The following PARP11 variants were observed in gnomAD, a reference collection of about 807,000 sequenced individuals.
The protein encoded by PARP11 is poly(ADP-ribose) polymerase family member 11.
PARP11 carries 31 observed loss-of-function variants against 42.9 expected under a neutral mutation model. That is an observed-to-expected ratio of 0.72 (90% CI 0.54 to 0.98). The LOEUF is 0.98. Ranked by LOEUF, PARP11 falls within the 50% of genes least tolerant of loss-of-function variation. PARP11 has a pLI of 0.00. For synonymous variants in PARP11, 137 were observed against 127.3 expected (o/e 1.08, Z -0.51); for missense variants, 365 against 413.1 (o/e 0.88, Z 1.01).
In PARP11 at chr12:3,812,392, C is replaced by T; in HGVS notation, c.748G>A (p.Asp250Asn). The change falls in exon 8 of 8, where the codon GAT becomes AAT. Residue 250 changes from aspartate (D) to asparagine (N), a missense_variant. Physicochemically the swap from Asp to Asn is conservative, Grantham distance 23. Transcript: ENST00000228820. ...DAAYSSRFCK[D>N]DIKHGNTFQI... ...AATGTGTTCCCATGCTTTATGTCAT[C>T]TTTGCAGAAACGACTGGAATAAGCA... 2 of 1,613,966 alleles carry T rather than the reference C, an allele frequency of 1.2e-6. No individual in the cohort carries two copies. Among genetic ancestry groups the T allele is most frequent in the Non-Finnish European group, 1.7e-6 (2 of 1,179,886 alleles).
rs1947874479 is a variant in PARP11 at position 3,840,937 on chromosome 12, T to C, written c.19-10919A>G. The C allele has an allele frequency of 3.1e-6, 5 of 1,606,740 alleles. No individual in the cohort carries two copies. The Admixed American group carries it at 5.0e-5, about 16-fold the overall frequency. On this transcript the variant is annotated intron_variant, in intron 1 of 7. Coordinates refer to ENST00000228820, the MANE Select transcript of PARP11 (RefSeq NM_020367.6). This position sits in a 1 kb window ranked among gnomAD's most constrained non-coding sequence, Gnocchi z 4.4. ...GGTACATCTAACTCCTGCAGTGCCT[T>C]CTTTACCAGCCACTGTGCCAGCCTG...
At chr12:3,870,655 T>C (rs977348578) in intron 1 of PARP11, among the ~76,000 whole-genome samples, 10 of 152,200 alleles carry the variant, frequency 6.6e-5, no homozygotes, top group African/African-American at 2.2e-4. Flanking sequence ...GTGCCTACTA[T>C]GTGTCAGGTT....
Position 3,821,987 on chromosome 12 carries a change from T to C in PARP11, c.434A>G (p.Asn145Ser), listed in dbSNP as rs145879477. 1.6e-5 allele frequency: 25 copies of C among 1,609,070 alleles called. No homozygotes were observed. The highest frequency in any genetic ancestry group is 1.6e-4 in the Middle Eastern group (1 of 6,070). ...AACTTCATTATATTCATGTGTTTGA[T>C]TGTGCAGAGGAATAAGCTGGAAAAA... ...QVPYQLIPLH[N>S]QTHEYNEVAN... is the part of the protein sequence containing the mutation. The change falls in exon 6 of 8, where the codon AAT (asparagine) becomes AGT (serine). Residue 145 changes from asparagine to serine, a missense_variant. By Grantham distance (46) the Asn-to-Ser change is conservative. Coordinates refer to ENST00000228820, the MANE Select transcript of PARP11 (RefSeq NM_020367.6).
In PARP11 at chr12:3,873,296, T is replaced by A. The variant is rs1192049717; in HGVS notation, c.-67A>T. ...CTAGCCGCGGGGCCTGGGTGTTGGA[T>A]TTTTTTTTTTCCCGCGGGTCCCCGG... On this transcript the variant is annotated 5_prime_UTR_variant, in exon 1 of 8. Coordinates refer to ENST00000228820, the MANE Select transcript of PARP11 (RefSeq NM_020367.6). 1.6e-5 allele frequency: 13 copies of A among 826,782 alleles called. No individual in the cohort carries two copies. The highest frequency in any genetic ancestry group is 2.2e-5 in the Non-Finnish European group (13 of 604,606). 51.2% of individuals were successfully genotyped at this position (826,782 alleles called of 1,614,324 possible). A position where few individuals can be genotyped will look rare whatever the true frequency, so the allele number is the denominator to read the frequency against.
rs1396622531 is a variant in PARP11 at position 3,873,193 on chromosome 12, G to A, written c.18+19C>T. The A allele has an allele frequency of 2.8e-6, 2 of 726,018 alleles. No homozygotes were observed. The highest frequency in any genetic ancestry group is 1.9e-5 in the African/African-American group (1 of 52,978). The allele number at this position is 726,018 out of a possible 1,614,324, so 45.0% of individuals were successfully genotyped here. A position where few individuals can be genotyped will look rare whatever the true frequency, so the allele number is the denominator to read the frequency against. ...CAACCCCGCCCCCTGGGCCCGCCCC[G>A]TCCCGCCCGGCTACTCACTGGATTC... On this transcript the variant is annotated intron_variant, in intron 1 of 7. Coordinates refer to ENST00000228820, the MANE Select transcript of PARP11 (RefSeq NM_020367.6).
chr12:3,817,205 T>A (rs939991536), intron 6 of PARP11, among the ~76,000 whole-genome samples: 1 of 149,494 alleles, frequency 6.7e-6, no homozygotes, highest in Non-Finnish European at 1.5e-5. Flanking sequence ...AAAAAAAAAT[T>A]CATTTATCAC....
At chr12:3,855,388 C>T (rs1565548849) in intron 1 of PARP11, among the ~76,000 whole-genome samples, 1 of 152,186 alleles carries the variant, frequency 6.6e-6, no homozygotes, top group Admixed American at 6.5e-5. Flanking sequence ...AAAATCCCAT[C>T]GTCTCAGCCC....
chr12:3,841,420 A>G, intron 1 of PARP11: 1 of 1,337,474 alleles, frequency 7.5e-7, no homozygotes, highest in South Asian at 1.2e-5. Flanking sequence ...TCCCTGGTTC[A>G]AAGAGGCTCC....
Position 3,853,019 on chromosome 12 carries a change from T to C in PARP11, c.18+20193A>G, listed in dbSNP as rs551769219. Reference sequence around the variant, plus strand: ...AAAGAATTTTCAACCCAGAATTTCATATCCAGCCAAACTAAGCTTCATAAG... The same window carrying C: ...AAAGAATTTTCAACCCAGAATTTCACATCCAGCCAAACTAAGCTTCATAAG... On this transcript the variant is annotated intron_variant, in intron 1 of 7. Transcript: ENST00000228820. Among the ~76,000 whole-genome samples the C allele has an allele frequency of 9.6e-4, 146 of 152,344 alleles. 1 individual carries two copies. Among genetic ancestry groups the C allele is most frequent in the African/African-American group, 3.5e-3 (146 of 41,570 alleles).
intron 1 of PARP11, chr12:3,864,097 T>C (rs1022670452): frequency 5.3e-5 from 8 of 152,220 alleles, no homozygotes; most frequent in South Asian, 4.1e-4. Context: ...GTCCATCAGG[T>C]TGAGCAAGTT....
intron 4 of PARP11, among the ~76,000 whole-genome samples, chr12:3,824,125 A>G (rs977227096): frequency 6.6e-6 from 1 of 152,206 alleles, no homozygotes; most frequent in Admixed American, 6.5e-5. Flanking sequence ...CTGTTTTCCC[A>G]CAACCACTCC....
rs114967909 is a variant in PARP11, at chr12:3,872,435, C to T, written c.18+777G>A. 2,337 of 820,038 alleles carry T rather than the reference C, an allele frequency of 2.8e-3. 38 individuals carry two copies. In the African/African-American group the frequency reaches 0.039, roughly 14 times the overall value. The allele number at this position is 820,038 out of a possible 1,614,324, so 50.8% of individuals were successfully genotyped here. A position where few individuals can be genotyped will look rare whatever the true frequency, so the allele number is the denominator to read the frequency against. On this transcript the variant is annotated intron_variant, in intron 1 of 7. Transcript: ENST00000228820. ...TGAGGAAAGGTACTAAAGTTTTCGG[C>T]CCCTACGTTGCACTTTAAATAAATA...
chr12:3,839,474 A>T (rs1184970017), intron 1 of PARP11: 51 of 1,612,272 alleles, frequency 3.2e-5, no homozygotes, highest in Non-Finnish European at 4.2e-5. Flanking sequence ...TTGCACTCTC[A>T]GTCTCGCCAT....
At chr12:3,872,474 A>C in intron 1 of PARP11, 2 of 979,310 alleles carry the variant, frequency 2.0e-6, no homozygotes, top group Non-Finnish European at 2.4e-6. Context: ...GTATAAAAGC[A>C]AAGTAGACAA....
chr12:3,841,612 C>A, intron 1 of PARP11: 4 of 1,613,356 alleles, frequency 2.5e-6, no homozygotes, highest in Non-Finnish European at 3.4e-6. Context: ...CCAGGCTGAT[C>A]TTGAATCTGA....
chr12:3,869,816 C>T (rs1296074906), intron 1 of PARP11, among the ~76,000 whole-genome samples: 1 of 152,214 alleles, frequency 6.6e-6, no homozygotes, highest in East Asian at 1.9e-4. Context: ...AGACTGCAAA[C>T]CCATAAAGGC....
intron 2 of PARP11, among the ~76,000 whole-genome samples, chr12:3,829,510 A>T (rs2138044489): frequency 6.6e-6 from 1 of 152,332 alleles, no homozygotes; most frequent in East Asian, 1.9e-4. Flanking sequence ...TCTGCTTCCA[A>T]GTTACTGTGA....
chr12:3,866,911 T>C (rs987796189), intron 1 of PARP11, among the ~76,000 whole-genome samples: 44 of 152,356 alleles, frequency 2.9e-4, no homozygotes, highest in Admixed American at 1.6e-3. Flanking sequence ...ATTACTGTCA[T>C]GTTGAGTGCT....
intron 6 of PARP11, among the ~76,000 whole-genome samples, chr12:3,817,383 G>A (rs1034241827): frequency 4.6e-5 from 7 of 152,072 alleles, no homozygotes; most frequent in African/African-American, 1.7e-4. Flanking sequence ...ACCAGTTGAA[G>A]GCAGAGGGCA....
Sources: allele counts gnomAD v4.1 joint callset (sites outside exome capture counted in the v4.1 genomes callset), GRCh38; gene constraint gnomAD v4.1.1; non-coding constraint Gnocchi (gnomAD v3.1); transcripts MANE v1.5; gene names NCBI Gene and HGNC (gene_info 2026-07-23, HGNC 2026-07-21).